The following GPC5 variants were observed in gnomAD, a reference collection of about 807,000 sequenced individuals.
GPC5 encodes glypican-5.
Under a neutral mutation model 53.9 loss-of-function variants are expected in GPC5, and 47 were observed. The ratio of observed to expected loss-of-function variants is 0.87; its 90% CI spans 0.69 to 1.11. The LOEUF is 1.11. Among genes scored for constraint, GPC5 ranks in the 50% most tolerant of loss-of-function variants. GPC5 has a pLI of 0.00. For missense variants in GPC5, 748 were observed against 713.1 expected, an observed-to-expected ratio of 1.05 and a Z score of -0.56; for synonymous variants, 286 against 263.3, an observed-to-expected ratio of 1.09 and a Z score of -0.84.
intron 7 of GPC5, among the ~76,000 whole-genome samples, chr13:92,819,121 T>G (rs1301908592): frequency 4.6e-5 from 7 of 152,026 alleles, no homozygotes; most frequent in African/African-American, 1.7e-4. Context: ...GAAAAGTGAT[T>G]CAGTTAACTC....
chr13:92,333,844 AT>A (rs1448929662), intron 7 of GPC5, among the ~76,000 whole-genome samples: 5 of 152,120 alleles, frequency 3.3e-5, no homozygotes, highest in Non-Finnish European at 7.4e-5. Context: ...ATTTTAACAA[AT>A]ATGATTAATA....
intron 7 of GPC5, among the ~76,000 whole-genome samples, chr13:92,834,259 T>G (rs1271243153): frequency 2.0e-5 from 3 of 152,214 alleles, no homozygotes; most frequent in Non-Finnish European, 4.4e-5. Context: ...ATAATTATTT[T>G]TATTTTCTCT....
At chr13:91,571,839 T>TGTGTGTGTATACACACACATACGTGTG (rs1555325833) in intron 2 of GPC5, among the ~76,000 whole-genome samples, 1 of 91,148 alleles carries the variant, frequency 1.1e-5, no homozygotes, top group African/African-American at 7.7e-5. Flanking sequence ...ACACATATAC[T>TGTGTGTGTATACACACACATACGTGTG]TGTGTGTATA....
chr13:92,681,498 C>G (rs1485246381), intron 7 of GPC5, among the ~76,000 whole-genome samples: 1 of 151,998 alleles, frequency 6.6e-6, no homozygotes, highest in Non-Finnish European at 1.5e-5. Flanking sequence ...CCATCCCCAC[C>G]TGTAATCCAG....
intron 6 of GPC5, among the ~76,000 whole-genome samples, chr13:92,027,756 C>T (rs1448894721): frequency 1.3e-5 from 2 of 152,096 alleles, no homozygotes; most frequent in Admixed American, 6.6e-5. Flanking sequence ...CACTTAACAA[C>T]ATAATAGATG....
chr13:92,756,332 A>T (rs1367620979), intron 7 of GPC5, among the ~76,000 whole-genome samples: 4 of 152,164 alleles, frequency 2.6e-5, no homozygotes, highest in African/African-American at 4.8e-5. Context: ...GACATATTTA[A>T]AAATAATAAG....
At chr13:92,154,684 C>A (rs933577735) in intron 7 of GPC5, among the ~76,000 whole-genome samples, 3 of 152,164 alleles carry the variant, frequency 2.0e-5, no homozygotes, top group Non-Finnish European at 4.4e-5. Context: ...AAAATACTTA[C>A]TAGTTTCTTT....
chr13:91,483,955 G>A (rs1028495777), intron 2 of GPC5, among the ~76,000 whole-genome samples: 10 of 152,076 alleles, frequency 6.6e-5, no homozygotes, highest in African/African-American at 2.4e-4. Context: ...ATACCTTCCT[G>A]AACTTTCAAT....
chr13:91,609,381 G>A (rs935901482), intron 2 of GPC5, among the ~76,000 whole-genome samples: 7 of 152,060 alleles, frequency 4.6e-5, no homozygotes, highest in Admixed American at 4.6e-4. Context: ...CAATACAAGA[G>A]GCTGAGATAA....
At chr13:91,784,446 C>T (rs1045727830) in intron 5 of GPC5, among the ~76,000 whole-genome samples, 1 of 151,918 alleles carries the variant, frequency 6.6e-6, no homozygotes, top group African/African-American at 2.4e-5. Context: ...TATTTGAGGC[C>T]GGGCGCAGTG....
intron 7 of GPC5, among the ~76,000 whole-genome samples, chr13:92,414,757 GTGGTAGAT>G (rs1176425673): frequency 2.6e-5 from 4 of 152,138 alleles, no homozygotes; most frequent in South Asian, 2.1e-4. Context: ...GAGAAAGGCA[GTGGTAGAT>G]TGATTGTCTA....
At chr13:92,658,521 G>A (rs1293683367) in intron 7 of GPC5, among the ~76,000 whole-genome samples, 2 of 152,156 alleles carry the variant, frequency 1.3e-5, no homozygotes, top group Non-Finnish European at 2.9e-5. Flanking sequence ...TTTTGCCACC[G>A]AATGAGTTCA....
intron 5 of GPC5, among the ~76,000 whole-genome samples, chr13:91,855,162 A>G (rs1215110436): frequency 6.6e-6 from 1 of 151,766 alleles, no homozygotes; most frequent in East Asian, 1.9e-4. Flanking sequence ...GATAAAGACA[A>G]TAGCTAATAG....
intron 2 of GPC5, among the ~76,000 whole-genome samples, chr13:91,654,395 A>C (rs1161472435): frequency 6.6e-6 from 1 of 152,180 alleles, no homozygotes. Flanking sequence ...TTCGGTAAGT[A>C]AATAGTTAGA....
At chr13:92,483,880 C>T (rs1408424850) in intron 7 of GPC5, among the ~76,000 whole-genome samples, 1 of 151,934 alleles carries the variant, frequency 6.6e-6, no homozygotes, top group Non-Finnish European at 1.5e-5. Context: ...GTAATCCCAG[C>T]ACTCTGGGAG....
chr13:91,623,533 C>A (rs2033919784), intron 2 of GPC5, among the ~76,000 whole-genome samples: 1 of 152,032 alleles, frequency 6.6e-6, no homozygotes, highest in Admixed American at 6.6e-5. Context: ...GGTTTGGGGT[C>A]TTTTATGGCA....
At chr13:92,864,547 T>A (rs1879282240) in intron 7 of GPC5, among the ~76,000 whole-genome samples, 1 of 151,946 alleles carries the variant, frequency 6.6e-6, no homozygotes, top group African/African-American at 2.4e-5. Context: ...TGCTCAAATT[T>A]ATGTAGTTAT....
At chr13:92,574,962 A>G (rs1883146828) in intron 7 of GPC5, among the ~76,000 whole-genome samples, 2 of 152,178 alleles carry the variant, frequency 1.3e-5, no homozygotes, top group African/African-American at 4.8e-5. Flanking sequence ...TTCATCCACA[A>G]AACCTCAATG....
chr13:91,485,913 G>T (rs1158138008), intron 2 of GPC5: 1 of 152,194 alleles, frequency 6.6e-6, no homozygotes, highest in Non-Finnish European at 1.5e-5. Context: ...TCCAAGGGAA[G>T]TTACTTTATT....
Sources: allele counts gnomAD v4.1 joint callset (sites outside exome capture counted in the v4.1 genomes callset), GRCh38; gene constraint gnomAD v4.1.1; transcripts MANE v1.5; gene names NCBI Gene and HGNC (gene_info 2026-07-23, HGNC 2026-07-21).